Variants in UBAP2 observed in about 807,000 individuals in gnomAD.
UBAP2 encodes the protein ubiquitin-associated protein 2.
Under a neutral mutation model 139.6 loss-of-function variants are expected in UBAP2, and 75 were observed. The ratio of observed to expected loss-of-function variants is 0.54; its 90% CI spans 0.45 to 0.65. The LOEUF is 0.65. UBAP2 is among the 30% of genes least tolerant of loss of function. The pLI is 0.00. For synonymous variants in UBAP2, 526 were observed against 526.2 expected (o/e 1.00, Z 0.01); for missense variants, 1,368 against 1,369.6 (o/e 1.00, Z 0.02).
rs183834546 is a variant in UBAP2 at position 33,955,498 on chromosome 9, C to A, written c.866+581G>T. Among the ~76,000 whole-genome samples, 6 of 148,288 alleles carry A rather than the reference C, an allele frequency of 4.0e-5. No homozygotes were observed. The East Asian group carries it at 1.2e-3, about 30-fold the overall frequency. On this transcript the variant is annotated intron_variant, in intron 11 of 28. Coordinates refer to ENST00000379238, the MANE Select transcript of UBAP2 (RefSeq NM_001370062.2). The stretch of plus-strand genomic sequence containing the variant: ...TCGTGCCACTGCACTCCAGCCTAGG[C>A]GACAGAGTGAGACTCCGTCTCAAAA...
intron 8 of UBAP2, among the ~76,000 whole-genome samples, chr9:33,971,138 C>A (rs1268183628): frequency 6.6e-6 from 1 of 152,104 alleles, no homozygotes; most frequent in African/African-American, 2.4e-5. Context: ...TCAATAATTA[C>A]TGTACAAAGA....
At chr9:33,936,904 G>C (rs1335078660) in intron 16 of UBAP2, among the ~76,000 whole-genome samples, 1 of 122,342 alleles carries the variant, frequency 8.2e-6, no homozygotes, top group South Asian at 3.0e-4. Flanking sequence ...ACCACCCTGG[G>C]CACTGTAGCA....
chr9:33,931,872 G>A (rs113749838), intron 19 of UBAP2, among the ~76,000 whole-genome samples: 4,191 of 152,180 alleles, frequency 0.028, 109 homozygotes, highest in Non-Finnish European at 0.036. Context: ...TTGTCCAGGA[G>A]CATGCACTTT....
At chr9:33,948,280 G>A in intron 13 of UBAP2, 94 bp downstream of exon 13, 1 of 1,163,828 alleles carries the variant, frequency 8.6e-7, no homozygotes, top group Non-Finnish European at 1.2e-6. Flanking sequence ...AACATCTCTG[G>A]ACAAATTCCA....
intron 9 of UBAP2, among the ~76,000 whole-genome samples, chr9:33,961,315 T>C (rs1827028084): frequency 6.6e-6 from 1 of 152,216 alleles, no homozygotes; most frequent in Non-Finnish European, 1.5e-5. Context: ...CTATTTCAGG[T>C]GGATTACTGA....
chr9:33,938,869 TG>T, intron 16 of UBAP2: 1 of 450,400 alleles, frequency 2.2e-6, no homozygotes, highest in Non-Finnish European at 4.4e-6. Context: ...AGTGCCCATC[TG>T]TCAGGATATA....
chr9:33,981,653 C>T (rs1275774158), intron 6 of UBAP2, among the ~76,000 whole-genome samples: 2 of 151,802 alleles, frequency 1.3e-5, no homozygotes, highest in African/African-American at 4.8e-5. Flanking sequence ...TGTACTTGGC[C>T]TGAAATTATT....
At chr9:34,016,669 C>T (rs1321976612) in intron 2 of UBAP2, among the ~76,000 whole-genome samples, 1 of 151,696 alleles carries the variant, frequency 6.6e-6, no homozygotes, top group African/African-American at 2.4e-5. Flanking sequence ...GATTCTCCTG[C>T]CTTAGCCTCC....
chr9:33,955,751 C>T (rs1007852997), intron 11 of UBAP2, among the ~76,000 whole-genome samples: 8 of 149,620 alleles, frequency 5.3e-5, no homozygotes, highest in African/African-American at 2.5e-5. Context: ...CACTTGAACC[C>T]GAGAGGCGGA....
chr9:33,944,869 G>A (rs1825533758), intron 13 of UBAP2, among the ~76,000 whole-genome samples: 1 of 152,162 alleles, frequency 6.6e-6, no homozygotes. Context: ...TAAGCATAGG[G>A]AGTGATGAAC....
upstream of UBAP2, chr9:34,049,097 G>C (rs534465317): frequency 1.7e-4 from 26 of 152,410 alleles, 1 homozygote; most frequent in African/African-American, 6.3e-4. Flanking sequence ...ACAAATAAGG[G>C]AGACTTGATA....
chr9:34,033,018 T>C (rs1163408196), intron 1 of UBAP2, among the ~76,000 whole-genome samples: 1 of 151,908 alleles, frequency 6.6e-6, no homozygotes, highest in Non-Finnish European at 1.5e-5. Flanking sequence ...ACCATGACAG[T>C]ACTCAACACA....
rs376947939 is a variant in UBAP2 at position 33,981,205 on chromosome 9, G to GATAT, written c.520+5551_520+5554dup. ...TCTGGATATATATATATATATTCTG[G>GATAT]ATATATATATATATATTCTGGATAT... On this transcript the variant is annotated intron_variant, in intron 6 of 28. Transcript: ENST00000379238. Among the ~76,000 whole-genome samples, 50 of 3,682 alleles carry GATAT rather than the reference G, an allele frequency of 0.014. 12 individuals carry two copies. The East Asian group carries it at 0.21, about 15-fold the overall frequency. The allele number at this position is 3,682 out of a possible 152,430, so 2.4% of individuals were successfully genotyped here. A position where few individuals can be genotyped will look rare whatever the true frequency, so the allele number is the denominator to read the frequency against.
chr9:34,026,899 A>G (rs1825443630), intron 1 of UBAP2, among the ~76,000 whole-genome samples: 1 of 152,128 alleles, frequency 6.6e-6, no homozygotes, highest in African/African-American at 2.4e-5. Context: ...ATAGTTCCCA[A>G]TTCAGCTTCT....
chr9:33,977,352 A>T (rs1820233070), intron 6 of UBAP2, among the ~76,000 whole-genome samples: 1 of 152,070 alleles, frequency 6.6e-6, no homozygotes, highest in South Asian at 2.1e-4. Flanking sequence ...AAAAATTTTT[A>T]AAAATTAAAA....
At chr9:34,038,432 G>C (rs1005143114) in intron 1 of UBAP2, among the ~76,000 whole-genome samples, 1 of 152,210 alleles carries the variant, frequency 6.6e-6, no homozygotes, top group Non-Finnish European at 1.5e-5. Context: ...GCAGGCGCGC[G>C]CCGCCACACC....
chr9:33,939,879 GGAGGAGGAGGA>G (rs1206345054), intron 16 of UBAP2, among the ~76,000 whole-genome samples: 1 of 15,686 alleles, frequency 6.4e-5, no homozygotes. Flanking sequence ...GAGGAGGGGA[GGAGGAGGAGGA>G]GGGGAGGAGG....
intron 8 of UBAP2, chr9:33,968,161 A>G: frequency 1.7e-6 from 1 of 595,578 alleles, no homozygotes; most frequent in Non-Finnish European, 3.3e-6. Flanking sequence ...CAATGAATAG[A>G]AGAAGAAATC....
chr9:34,048,269 G>A (rs1827788513), intron 1 of UBAP2, among the ~76,000 whole-genome samples: 1 of 152,198 alleles, frequency 6.6e-6, no homozygotes, highest in African/African-American at 2.4e-5. Context: ...AGGAACGGCG[G>A]GTGTGGAGGA....
Sources: allele counts gnomAD v4.1 joint callset (sites outside exome capture counted in the v4.1 genomes callset), GRCh38; gene constraint gnomAD v4.1.1; transcripts MANE v1.5; gene names NCBI Gene and HGNC (gene_info 2026-07-23, HGNC 2026-07-21).